TTC21B: variants seen among roughly 807,000 people sequenced by gnomAD.
The protein encoded by TTC21B is tetratricopeptide repeat domain 21B.
A neutral mutation model predicts 175.1 loss-of-function variants in TTC21B; 127 were observed. The observed-to-expected ratio is 0.73, with a 90% CI of 0.63 to 0.84. The LOEUF (loss-of-function observed/expected upper bound fraction) is 0.84, where lower values mean the gene tolerates loss of function less well. Among genes scored for constraint, TTC21B ranks in the 40% least tolerant of loss-of-function variants. The pLI is 0.00. For synonymous variants in TTC21B, 524 were observed against 524.5 expected, an observed-to-expected ratio of 1.00 and a Z score of 0.01; for missense variants, 1,561 against 1,558.3, an observed-to-expected ratio of 1.00 and a Z score of -0.03.
At chr2:165,949,836 C>T in intron 1 of TTC21B, 112 bp from the exon 2 acceptor site, 1 of 1,076,688 alleles carries the variant, frequency 9.3e-7, no homozygotes, top group Non-Finnish European at 1.3e-6. Context: ...GGCAATGTGA[C>T]TTTTTTCTTC....
At chr2:165,900,006 G>GAAAAA in intron 20 of TTC21B, 126 bp from the exon 21 acceptor site, 1 of 70,226 alleles carries the variant, frequency 1.4e-5, no homozygotes, top group Non-Finnish European at 2.5e-5. Flanking sequence ...AAGTATAATA[G>GAAAAA]ACAAAAAAAA....
chr2:165,928,134 G>A (rs575004502), intron 11 of TTC21B, among the ~76,000 whole-genome samples: 1 of 152,100 alleles, frequency 6.6e-6, no homozygotes, highest in African/African-American at 2.4e-5. Context: ...GAACATTATA[G>A]TAATAGTTAT....
intron 12 of TTC21B, among the ~76,000 whole-genome samples, chr2:165,922,599 G>A (rs1686455734): frequency 6.7e-6 from 1 of 149,084 alleles, no homozygotes; most frequent in African/African-American, 2.5e-5. Context: ...CGTTGGCATG[G>A]ATGTGGTCAA....
intron 18 of TTC21B, among the ~76,000 whole-genome samples, chr2:165,909,287 A>C (rs1445930510): frequency 6.6e-6 from 1 of 152,140 alleles, no homozygotes; most frequent in African/African-American, 2.4e-5. Flanking sequence ...AATATAAATG[A>C]CAAAAATATA....
At chr2:165,925,690 T>A (rs538909144) in intron 11 of TTC21B, among the ~76,000 whole-genome samples, 192 of 152,316 alleles carry the variant, frequency 1.3e-3, no homozygotes, top group Middle Eastern at 3.4e-3. Context: ...ATAATCTATA[T>A]AATAAAATTT....
intron 7 of TTC21B, 113 bp downstream of exon 7, chr2:165,932,860 T>G: frequency 1.1e-6 from 1 of 939,926 alleles, no homozygotes. Flanking sequence ...TGATGTATAT[T>G]TTAAAAGAGA....
chr2:165,900,008 CAAAA>C, intron 20 of TTC21B, 128 bp from the exon 21 acceptor site: 29 of 139,260 alleles, frequency 2.1e-4, no homozygotes, highest in Admixed American at 3.3e-4. Flanking sequence ...GTATAATAGA[CAAAA>C]AAAAAAAAAA....
At chr2:165,935,207 T>C (rs1313957908) in intron 6 of TTC21B, among the ~76,000 whole-genome samples, 3 of 152,194 alleles carry the variant, frequency 2.0e-5, no homozygotes, top group African/African-American at 4.8e-5. Context: ...CAGTTACATA[T>C]GGGGAAACAT....
intron 26 of TTC21B, 47 bp downstream of exon 26, chr2:165,883,747 T>C (rs763039500): frequency 6.9e-6 from 10 of 1,439,952 alleles, no homozygotes; most frequent in Non-Finnish European, 7.8e-6. Context: ...TATGGAAAGC[T>C]TATGCAACAA....
chr2:165,935,831 C>T (rs566406627), intron 6 of TTC21B, among the ~76,000 whole-genome samples: 7 of 152,110 alleles, frequency 4.6e-5, no homozygotes, highest in South Asian at 2.1e-4. Context: ...ACCAAATAAA[C>T]GGAGAGATAT....
chr2:165,946,212 A>T (rs940319424), intron 3 of TTC21B, among the ~76,000 whole-genome samples: 1 of 151,084 alleles, frequency 6.6e-6, no homozygotes, highest in East Asian at 2.0e-4. Flanking sequence ...GATAGCGTGC[A>T]CCTGTAGTCC....
chr2:165,886,839 C>G (rs926916649), intron 25 of TTC21B, among the ~76,000 whole-genome samples: 7 of 152,196 alleles, frequency 4.6e-5, no homozygotes, highest in Non-Finnish European at 4.4e-5. Context: ...AGCGCTTCCT[C>G]ATGTTCCTAG....
rs1042649758 is a variant in TTC21B at position 165,874,462 on chromosome 2, C to G, written c.*293G>C. On this transcript the variant is annotated 3_prime_UTR_variant, in exon 29 of 29. Coordinates refer to ENST00000243344, the MANE Select transcript of TTC21B (RefSeq NM_024753.5). ...AGAAAAGATACAGGGTATTTAATTA[C>G]CTAGATTTTAACAAAATATTCTTTA... 1.2e-5 allele frequency: 3 copies of G among 247,796 alleles called. No homozygotes were observed. The highest frequency in any genetic ancestry group is 1.0e-4 in the Admixed American group (2 of 20,100). The allele number at this position is 247,796 out of a possible 1,614,324, so 15.3% of individuals were successfully genotyped here.
intron 3 of TTC21B, chr2:165,948,570 C>T (rs967833655): frequency 6.6e-6 from 1 of 152,190 alleles, no homozygotes; most frequent in East Asian, 1.9e-4. Context: ...TTTTGAAACA[C>T]AATCTATATT....
Position 165,915,137 on chromosome 2 carries a change from A to T in TTC21B, c.2138+64T>A, listed in dbSNP as rs1052901434. On this transcript the variant is annotated intron_variant, in intron 15 of 28. Coordinates refer to ENST00000243344, the MANE Select transcript of TTC21B (RefSeq NM_024753.5). ...AAGCAGTTGAAAGAAAGTTAAAAAA[A>T]AATTGGGAATTAATACTAGTGGCTA... 3.7e-5 allele frequency: 51 copies of T among 1,364,412 alleles called. No individual in the cohort carries two copies. The Middle Eastern group carries it at 7.3e-4, about 19-fold the overall frequency. The allele number at this position is 1,364,412 out of a possible 1,614,324, so 84.5% of individuals were successfully genotyped here.
rs755622881 is a variant in TTC21B at position 165,931,869 on chromosome 2, G to T, written c.796-13C>A. Reference sequence around the variant, plus strand: ...GCTTGGTGGAAGCCTAAAACAAAAGGAACTGGTATTAACTTAAAATATACT... The same window carrying T: ...GCTTGGTGGAAGCCTAAAACAAAAGTAACTGGTATTAACTTAAAATATACT... On this transcript the variant is annotated splice_polypyrimidine_tract_variant and intron_variant, in intron 7 of 28. Coordinates refer to ENST00000243344, the MANE Select transcript of TTC21B (RefSeq NM_024753.5). 5 of 1,569,150 alleles carry T rather than the reference G, an allele frequency of 3.2e-6. No individual in the cohort carries two copies. Among genetic ancestry groups the T allele is most frequent in the Non-Finnish European group, 3.5e-6 (4 of 1,139,382 alleles).
At chr2:165,925,757 T>C (rs1306801810) in intron 11 of TTC21B, among the ~76,000 whole-genome samples, 7 of 152,202 alleles carry the variant, frequency 4.6e-5, no homozygotes, top group African/African-American at 1.2e-4. Context: ...GTTTTCCTTC[T>C]TTTATAGGCC....
At chr2:165,881,173 C>A (rs572489876) in intron 26 of TTC21B, among the ~76,000 whole-genome samples, 64 of 152,238 alleles carry the variant, frequency 4.2e-4, no homozygotes, top group African/African-American at 1.5e-3. Context: ...TACTGTTTCA[C>A]CTCTATCTCA....
intron 25 of TTC21B, among the ~76,000 whole-genome samples, chr2:165,885,150 A>T (rs1438755834): frequency 7.9e-5 from 12 of 152,318 alleles, no homozygotes; most frequent in Admixed American, 7.8e-4. Flanking sequence ...ACACTGTCTC[A>T]AAATAAAAAC....
Sources: gnomAD v4.1 joint callset for allele counts (sites outside exome capture counted in the v4.1 genomes callset) on GRCh38, gnomAD v4.1.1 for gene constraint, MANE v1.5 for transcripts, NCBI Gene and HGNC (gene_info 2026-07-23, HGNC 2026-07-21) for gene names.